USP10: variants seen among roughly 807,000 people sequenced by gnomAD.
The protein encoded by USP10 is ubiquitin specific peptidase 10, also known as ubiquitin carboxyl-terminal hydrolase 10.
In USP10, 22 loss-of-function variants were observed where a neutral mutation model predicts 84.5. The ratio of observed to expected loss-of-function variants is 0.26; its 90% CI spans 0.19 to 0.37. USP10 has a LOEUF of 0.37. Ranked by LOEUF, USP10 falls within the 10% of genes least tolerant of loss-of-function variation. The pLI, the probability that USP10 is intolerant of heterozygous loss-of-function variation, is 1.00. For missense variants in USP10, 1,019 were observed against 998.9 expected (o/e 1.02, Z -0.27); for synonymous variants, 454 against 387.6 (o/e 1.17, Z -2.01).
intron 4 of USP10, among the ~76,000 whole-genome samples, chr16:84,755,206 C>T (rs923033819): frequency 2.0e-5 from 3 of 151,462 alleles, no homozygotes; most frequent in Admixed American, 2.0e-4. Context: ...CAGTGCTAAA[C>T]AGGAATGAAC....
intron 10 of USP10, 28 bp from the exon 11 acceptor site, chr16:84,768,164 AT>A: frequency 3.2e-6 from 5 of 1,551,066 alleles, no homozygotes; most frequent in South Asian, 2.4e-5. Flanking sequence ...TGGTCTCTTA[AT>A]TTTTTTGTTT....
At chr16:84,763,191 C>T in intron 9 of USP10, 103 bp downstream of exon 9, 1 of 612,532 alleles carries the variant, frequency 1.6e-6, no homozygotes, top group South Asian at 2.6e-5. Flanking sequence ...AGTCGTTTTC[C>T]TTTCAAATAG....
chr16:84,745,584 C>G lies in USP10; in HGVS notation c.1103C>G (p.Ala368Gly). Reference protein sequence around the residue: ...AYVETKYSPPAISPLVSEKQV... With the variant: ...AYVETKYSPPGISPLVSEKQV... ...GTGGAAACTAAGTATTCCCCTCCCGCCATATCTCCCCTGGTTTCTGAAAAG... is the reference window on the plus strand; with the variant it reads ...GTGGAAACTAAGTATTCCCCTCCCGGCATATCTCCCCTGGTTTCTGAAAAG... Residue 368 changes from alanine to glycine, a missense_variant, in exon 4 of 14, where the codon GCC becomes GGC. Around this residue, in one of 2 missense-constraint regions of USP10, gnomAD observed 787 missense variants for 708.8 expected, o/e 1.11. Transcript: ENST00000219473. The G allele has an allele frequency of 6.2e-7, 1 of 1,612,778 alleles. No homozygotes were observed. Among genetic ancestry groups the G allele is most frequent in the African/African-American group, 1.3e-5 (1 of 75,010 alleles).
At chr16:84,702,401 C>G (rs561289254) in intron 1 of USP10, among the ~76,000 whole-genome samples, 110 of 152,208 alleles carry the variant, frequency 7.2e-4, no homozygotes, top group Non-Finnish European at 1.2e-3. Context: ...GTAATGCAAA[C>G]AAGTAATGGA....
intron 1 of USP10, among the ~76,000 whole-genome samples, chr16:84,724,315 T>G (rs1262700845): frequency 2.0e-5 from 3 of 152,228 alleles, no homozygotes; most frequent in African/African-American, 7.2e-5. Flanking sequence ...CTAAAATTTC[T>G]GAAGGAAATT....
At chr16:84,708,588 G>T (rs970203225) in intron 1 of USP10, among the ~76,000 whole-genome samples, 1 of 152,114 alleles carries the variant, frequency 6.6e-6, no homozygotes, top group Non-Finnish European at 1.5e-5. Flanking sequence ...TGAGAAACTG[G>T]GTAATTCACC....
intron 1 of USP10, among the ~76,000 whole-genome samples, chr16:84,721,185 C>T (rs1907761376): frequency 6.6e-6 from 1 of 152,116 alleles, no homozygotes; most frequent in East Asian, 1.9e-4. Context: ...AGCCACCATG[C>T]CCGGCAATGA....
At chr16:84,733,139 A>G (rs1339137964) in intron 1 of USP10, 1 of 500,188 alleles carries the variant, frequency 2.0e-6, no homozygotes, top group East Asian at 5.3e-5. Context: ...TTGTGAACCA[A>G]TAAAAATCTC....
intron 1 of USP10, among the ~76,000 whole-genome samples, chr16:84,717,549 GT>G (rs1205983764): frequency 2.0e-5 from 3 of 152,170 alleles, no homozygotes; most frequent in Admixed American, 6.5e-5. Flanking sequence ...GTGACAAGCT[GT>G]TTGGTGACTG....
chr16:84,763,431 C>G (rs963771347), intron 9 of USP10, among the ~76,000 whole-genome samples: 1 of 152,200 alleles, frequency 6.6e-6, no homozygotes, highest in Non-Finnish European at 1.5e-5. Flanking sequence ...TATGTCTTAT[C>G]TGTCCATCCA....
chr16:84,726,641 C>T (rs1191580453), intron 1 of USP10, among the ~76,000 whole-genome samples: 3 of 152,178 alleles, frequency 2.0e-5, no homozygotes, highest in African/African-American at 7.2e-5. Flanking sequence ...TCCACATCCT[C>T]TTGAGAAAGG....
chr16:84,779,094 G>T lies in USP10; in HGVS notation c.*12G>T, dbSNP rs183272912. 278 of 1,607,662 alleles carry T rather than the reference G, an allele frequency of 1.7e-4. No individual in the cohort carries two copies. The African/African-American group carries it at 2.5e-3, about 15-fold the overall frequency. The stretch of plus-strand genomic sequence containing the variant: ...TGGACCTGCTGTAAACCCTGTGTGC[G>T]CTGTGTGTGCGCCCAGTGCCCGCTT... On this transcript the variant is annotated 3_prime_UTR_variant, in exon 14 of 14. Coordinates refer to ENST00000219473, the MANE Select transcript of USP10 (RefSeq NM_005153.3).
At chr16:84,702,997 A>AAAAAAAG (rs1905086592) in intron 1 of USP10, among the ~76,000 whole-genome samples, 1 of 149,764 alleles carries the variant, frequency 6.7e-6, no homozygotes. Flanking sequence ...CCGTCTCAAA[A>AAAAAAAG]AAAAAAAAAA....
In USP10 at chr16:84,739,062, C is replaced by CTT. The variant is rs35956790; in HGVS notation, c.91-1234_91-1233dup. ...TACCTTACCCCTTTTCTTCCTAAAC[C>CTT]TTTTTTTTTTTTTTGAGACAGAGTC... On this transcript the variant is annotated intron_variant, in intron 2 of 13. Coordinates refer to ENST00000219473, the MANE Select transcript of USP10 (RefSeq NM_005153.3). Among the ~76,000 whole-genome samples the CTT allele has an allele frequency of 2.7e-3, 385 of 142,760 alleles. 2 individuals carry two copies. The highest frequency in any genetic ancestry group is 8.1e-3 in the African/African-American group (316 of 39,140). The allele number at this position is 142,760 out of a possible 152,430, so 93.7% of individuals were successfully genotyped here.
chr16:84,737,894 TCAGC>T (rs1330293185), intron 2 of USP10, among the ~76,000 whole-genome samples: 3 of 152,194 alleles, frequency 2.0e-5, no homozygotes, highest in African/African-American at 7.2e-5. Context: ...CCACCCTCAG[TCAGC>T]GCCACCTGGC....
intron 4 of USP10, among the ~76,000 whole-genome samples, chr16:84,747,182 C>T (rs2326392): frequency 6.6e-6 from 1 of 152,060 alleles, no homozygotes; most frequent in Non-Finnish European, 1.5e-5. Context: ...TCCACCAAGC[C>T]TGGTGACCAG....
chr16:84,713,261 C>T (rs191311525), intron 1 of USP10, among the ~76,000 whole-genome samples: 2 of 152,208 alleles, frequency 1.3e-5, no homozygotes, highest in Non-Finnish European at 2.9e-5. Flanking sequence ...AACACATTGT[C>T]TGTCCCCGAG....
intron 1 of USP10, among the ~76,000 whole-genome samples, chr16:84,730,940 A>T (rs1005723500): frequency 1.3e-5 from 2 of 151,208 alleles, no homozygotes; most frequent in African/African-American, 4.9e-5. Flanking sequence ...TAGTCATAAG[A>T]TAAAATGGAT....
chr16:84,769,571 T>A (rs930255532), intron 11 of USP10, among the ~76,000 whole-genome samples: 8 of 96,086 alleles, frequency 8.3e-5, no homozygotes, highest in African/African-American at 2.6e-4. Flanking sequence ...GGTTGGGTGG[T>A]TCAGTTGTGC....
Sources: gnomAD v4.1 joint callset for allele counts (sites outside exome capture counted in the v4.1 genomes callset) on GRCh38, gnomAD v4.1.1 for gene constraint, gnomAD v4.1.1 regional missense constraint, MANE v1.5 for transcripts, NCBI Gene and HGNC (gene_info 2026-07-23, HGNC 2026-07-21) for gene names.